SPAG1: variants seen among roughly 807,000 people sequenced by gnomAD.
The protein encoded by SPAG1 is sperm associated antigen 1.
SPAG1 carries 69 observed loss-of-function variants against 100.5 expected under a neutral mutation model. That is an observed-to-expected ratio of 0.69 (90% CI 0.57 to 0.84). SPAG1 has a LOEUF of 0.84. Among genes scored for constraint, SPAG1 ranks in the 40% least tolerant of loss-of-function variants. The pLI is 0.00. For missense variants in SPAG1, 955 were observed against 1,133.1 expected (o/e 0.84, Z 2.26); for synonymous variants, 336 against 411.6 (o/e 0.82, Z 2.22).
In SPAG1 at chr8:100,239,366, A is replaced by G. The variant is rs1345223225; in HGVS notation, c.2242A>G (p.Asn748Asp). 6.2e-7 allele frequency: 1 copy of G among 1,606,336 alleles called. No homozygotes were observed. The highest frequency in any genetic ancestry group is 1.7e-5 in the Admixed American group (1 of 59,856). Residue 748 changes from asparagine (N) to aspartate (D), a missense_variant, in exon 17 of 19, where the codon AAC becomes GAC. By Grantham distance (23) the Asn-to-Asp change is conservative. Transcript: ENST00000388798. The surrounding 1 kb of genome is among the most constrained non-coding windows in gnomAD (Gnocchi z 5.0). ...LNLKDKTAPF[N>D]KEKERRKIEI... ...TCTTAAGGATAAGACAGCACCATTC[A>G]ACAAAGAAAAGGAGAGAAGGAAAAT...
At chr8:100,205,771 CT>C (rs1817479351) in intron 10 of SPAG1, among the ~76,000 whole-genome samples, 1 of 151,964 alleles carries the variant, frequency 6.6e-6, no homozygotes, top group Non-Finnish European at 1.5e-5. Context: ...AATCCCAGCA[CT>C]TTGGGAGGCC....
At chr8:100,218,454 A>T (rs1273847191) in intron 12 of SPAG1, among the ~76,000 whole-genome samples, 2 of 152,102 alleles carry the variant, frequency 1.3e-5, no homozygotes, top group Non-Finnish European at 2.9e-5. Context: ...CATGGTTGTG[A>T]CTCTGCTCAT....
At chr8:100,235,659 T>C (rs548131126) in intron 16 of SPAG1, among the ~76,000 whole-genome samples, 4 of 152,236 alleles carry the variant, frequency 2.6e-5, no homozygotes, top group Admixed American at 2.0e-4. Flanking sequence ...TTGCATAATA[T>C]AGCAAATGAG....
chr8:100,240,301 A>G (rs1009482589), intron 17 of SPAG1, 102 bp from the exon 18 acceptor site: 9 of 1,124,988 alleles, frequency 8.0e-6, no homozygotes, highest in Non-Finnish European at 1.1e-5. Flanking sequence ...ACTACAGTAC[A>G]GTCTACTTGT....
chr8:100,232,970 C>T (rs570976166), intron 15 of SPAG1, among the ~76,000 whole-genome samples: 2 of 152,290 alleles, frequency 1.3e-5, no homozygotes, highest in East Asian at 1.9e-4. Flanking sequence ...CTCCACTCCC[C>T]GCTACCTCCA....
At chr8:100,209,275 T>C (rs1817624581) in intron 10 of SPAG1, among the ~76,000 whole-genome samples, 1 of 150,528 alleles carries the variant, frequency 6.6e-6, no homozygotes, top group Non-Finnish European at 1.5e-5. Context: ...TCATGTAAGT[T>C]AATACTGAAT....
At chr8:100,186,800 C>T (rs951491158) in intron 7 of SPAG1, among the ~76,000 whole-genome samples, 2 of 151,986 alleles carry the variant, frequency 1.3e-5, no homozygotes, top group Admixed American at 1.3e-4. Context: ...TGTAGGTGGC[C>T]GTCTTCTCCC....
Position 100,191,426 on chromosome 8 carries a change from A to G in SPAG1, c.869A>G (p.Asn290Ser). The G allele has an allele frequency of 6.2e-7, 1 of 1,614,012 alleles. No homozygotes were observed. The highest frequency in any genetic ancestry group is 2.2e-5 in the East Asian group (1 of 44,866). ...LRRATTYKHQ[N>S]KLREATEDLS... ...CGTGCTACTACATATAAACATCAAA[A>G]CAAGCTCCGGGAAGCTACAGAAGAT... Residue 290 changes from asparagine to serine, a missense_variant, in exon 9 of 19, where the codon AAC (asparagine) becomes AGC (serine). Asn to Ser is a conservative substitution (Grantham distance 46, BLOSUM62 1). Coordinates refer to ENST00000388798, the MANE Select transcript of SPAG1 (RefSeq NM_003114.5).
chr8:100,211,985 T>A (rs1291697655), intron 10 of SPAG1, among the ~76,000 whole-genome samples: 2 of 152,362 alleles, frequency 1.3e-5, no homozygotes, highest in East Asian at 1.9e-4. Flanking sequence ...AGAAACCAGA[T>A]TAAAACTGGA....
In SPAG1 at chr8:100,184,663, C is replaced by A. The variant is rs780355601; in HGVS notation, c.631C>A (p.Arg211Ser). ...GAAAGAAAAGGATTTTCTTGCCACT[C>A]GTGAAAAGGAGAAAGGAAATGAAGC... ...TEKEKDFLAT[R>S]EKEKGNEAFN... Residue 211 changes from arginine to serine, a missense_variant, in exon 7 of 19, where the codon CGT (arginine) becomes AGT (serine). Arg to Ser is a moderately radical substitution (Grantham distance 110). Transcript: ENST00000388798. The A allele has an allele frequency of 7.6e-6, 12 of 1,582,766 alleles. No homozygotes were observed. The highest frequency in any genetic ancestry group is 1.9e-5 in the Admixed American group (1 of 52,652).
intron 10 of SPAG1, among the ~76,000 whole-genome samples, chr8:100,195,188 A>T (rs990311546): frequency 1.3e-5 from 2 of 151,918 alleles, no homozygotes; most frequent in Non-Finnish European, 2.9e-5. Flanking sequence ...GAAAAAGAAA[A>T]AAAGGTTTTT....
At chr8:100,195,162 C>T (rs536759244) in intron 10 of SPAG1, among the ~76,000 whole-genome samples, 4 of 105,592 alleles carry the variant, frequency 3.8e-5, no homozygotes, top group South Asian at 2.8e-4. Context: ...GAGACTCCAT[C>T]TCAAAAAAAA....
At chr8:100,206,008 A>C in intron 10 of SPAG1, among the ~76,000 whole-genome samples, 1 of 116,658 alleles carries the variant, frequency 8.6e-6, no homozygotes, top group Non-Finnish European at 1.7e-5. Context: ...ACAGAGTGAG[A>C]CTCTGTCTCA....
intron 8 of SPAG1, among the ~76,000 whole-genome samples, chr8:100,187,457 A>G (rs145238672): frequency 2.6e-4 from 40 of 152,320 alleles, no homozygotes; most frequent in African/African-American, 9.4e-4. Context: ...ATAATCCCAG[A>G]GGATTTAATA....
intron 3 of SPAG1, among the ~76,000 whole-genome samples, chr8:100,168,362 T>TA (rs141018025): frequency 1.7e-4 from 26 of 151,308 alleles, no homozygotes; most frequent in South Asian, 6.3e-4. Flanking sequence ...CTTTGCCCGT[T>TA]AAAAAAAAAT....
At chr8:100,185,689 A>G (rs1280778477) in intron 7 of SPAG1, among the ~76,000 whole-genome samples, 1 of 152,238 alleles carries the variant, frequency 6.6e-6, no homozygotes, top group Non-Finnish European at 1.5e-5. Context: ...TTCTTATAGA[A>G]TCACTAATGC....
chr8:100,193,530 A>C (rs1816900915), intron 9 of SPAG1, among the ~76,000 whole-genome samples: 1 of 152,212 alleles, frequency 6.6e-6, no homozygotes, highest in African/African-American at 2.4e-5. Flanking sequence ...CTGGGAGAAA[A>C]TATTTGAAAA....
chr8:100,223,495 T>C (rs1037801057), intron 13 of SPAG1, among the ~76,000 whole-genome samples: 2 of 152,122 alleles, frequency 1.3e-5, no homozygotes, highest in Non-Finnish European at 2.9e-5. Flanking sequence ...TTTAAAATTT[T>C]TCACTATTTC....
Position 100,162,367 on chromosome 8 carries a change from C to T in SPAG1, c.87C>T (p.Tyr29=). 1 of 1,596,536 alleles carries T rather than the reference C, an allele frequency of 6.3e-7. No individual in the cohort carries two copies. The highest frequency in any genetic ancestry group is 8.5e-7 in the Non-Finnish European group (1 of 1,172,170). The change falls in exon 2 of 19, where the codon TAC becomes TAT. Residue 29 remains tyrosine, a synonymous_variant. Transcript: ENST00000388798. ...CCATTGAACATCTAGATTTCAAATA[C>T]ATTGAAAAATGTTCAGATGTTAAAC... ...KIPIEHLDFK[Y]IEKCSDVKHL...
Sources: gnomAD v4.1 joint callset for allele counts (sites outside exome capture counted in the v4.1 genomes callset) on GRCh38, gnomAD v4.1.1 for gene constraint, Gnocchi (gnomAD v3.1) non-coding constraint, MANE v1.5 for transcripts, NCBI Gene and HGNC (gene_info 2026-07-23, HGNC 2026-07-21) for gene names.